TNIP3: variants seen among roughly 807,000 people sequenced by gnomAD.
TNIP3 encodes the protein TNFAIP3-interacting protein 3.
Under a neutral mutation model 54.1 loss-of-function variants are expected in TNIP3, and 34 were observed. That is an observed-to-expected ratio of 0.63 (90% confidence interval 0.48 to 0.84). TNIP3 has a LOEUF of 0.84. TNIP3 is among the 40% of genes least tolerant of loss of function. The pLI is 0.00. For missense variants in TNIP3, 366 were observed against 387.6 expected (o/e 0.94, Z 0.47); for synonymous variants, 134 against 136.8 (o/e 0.98, Z 0.14).
At chr4:121,206,538 T>TTGTGTGTGTGTGTGTGTGTGTG (rs140121953) in intron 2 of TNIP3, among the ~76,000 whole-genome samples, 86 of 151,590 alleles carry the variant, frequency 5.7e-4, no homozygotes, top group African/African-American at 1.9e-3. Context: ...TTTGTATATA[T>TTGTGTGTGTGTGTGTGTGTGTG]TGTGTGTGTG....
chr4:121,149,924 G>A (rs529110765), intron 6 of TNIP3, among the ~76,000 whole-genome samples, 179 bp downstream of exon 6: 46 of 152,178 alleles, frequency 3.0e-4, no homozygotes, highest in South Asian at 6.2e-4. Flanking sequence ...CTAAATGGTG[G>A]GACTGAACTA....
At chr4:121,201,046 A>G (rs898590546) in intron 2 of TNIP3, among the ~76,000 whole-genome samples, 10 of 152,202 alleles carry the variant, frequency 6.6e-5, no homozygotes, top group Non-Finnish European at 1.3e-4. Context: ...GTTGAAGGTC[A>G]AGGGGAACTT....
chr4:121,188,095 G>A (rs1424933884), intron 2 of TNIP3, among the ~76,000 whole-genome samples: 1 of 152,086 alleles, frequency 6.6e-6, no homozygotes, highest in African/African-American at 2.4e-5. Context: ...AAGAGTTTGA[G>A]GTGAGAGTAA....
At chr4:121,216,341 T>C in intron 2 of TNIP3, 5 of 1,270,896 alleles carry the variant, frequency 3.9e-6, no homozygotes, top group Non-Finnish European at 4.4e-6. Context: ...ACACTATCAT[T>C]GCCACAAAGC....
chr4:121,200,119 G>T (rs915607718), intron 2 of TNIP3, among the ~76,000 whole-genome samples: 1 of 151,872 alleles, frequency 6.6e-6, no homozygotes, highest in African/African-American at 2.4e-5. Flanking sequence ...CTGTGACCAC[G>T]TTCACTGGGT....
chr4:121,173,050 A>G (rs1724067854), intron 3 of TNIP3, among the ~76,000 whole-genome samples: 1 of 152,208 alleles, frequency 6.6e-6, no homozygotes, highest in Non-Finnish European at 1.5e-5. Flanking sequence ...CTTGCTCACA[A>G]TTATGATGTG....
chr4:121,204,865 CTAGGTGT>C (rs1325565532), intron 2 of TNIP3, among the ~76,000 whole-genome samples: 1 of 152,070 alleles, frequency 6.6e-6, no homozygotes, highest in Non-Finnish European at 1.5e-5. Context: ...GAAGTCAGTC[CTAGGTGT>C]TATTGGTATA....
intron 9 of TNIP3, among the ~76,000 whole-genome samples, chr4:121,140,638 C>T (rs1227831945): frequency 6.6e-6 from 1 of 152,108 alleles, no homozygotes; most frequent in Non-Finnish European, 1.5e-5. Flanking sequence ...AAGCCAACTC[C>T]TATAGGTTAA....
chr4:121,204,570 G>A (rs1470902903), intron 2 of TNIP3, among the ~76,000 whole-genome samples: 2 of 151,992 alleles, frequency 1.3e-5, no homozygotes, highest in African/African-American at 4.8e-5. Flanking sequence ...AGATTTTCAG[G>A]GTTCACAACT....
chr4:121,173,385 G>T (rs1724098885), intron 3 of TNIP3, among the ~76,000 whole-genome samples: 1 of 152,258 alleles, frequency 6.6e-6, no homozygotes, highest in African/African-American at 2.4e-5. Flanking sequence ...GAAATTAGTG[G>T]TCAGAAAAGA....
At position 121,158,752 on chromosome 4, in the gene TNIP3, G is replaced by A. The variant is rs1730264813; in HGVS notation, c.148C>T (p.Leu50Phe). Residue 50 changes from leucine (L) to phenylalanine (F), a missense_variant and splice_region_variant, in exon 3 of 11, where the codon CTC (leucine) becomes TTC (phenylalanine). Transcript: ENST00000057513. ...IRCLEKQRKELLEVNQQWDQQ... is the reference protein window; with the variant it reads ...IRCLEKQRKEFLEVNQQWDQQ... Reference sequence around the variant, plus strand: ...TCCCATTGCTGGTTAACTTCCAGGAGCTGAAATCATTAAAATTTGGTGAAT... The same window carrying A: ...TCCCATTGCTGGTTAACTTCCAGGAACTGAAATCATTAAAATTTGGTGAAT... 1 of 1,605,944 alleles carries A rather than the reference G, an allele frequency of 6.2e-7. No homozygotes were observed. Among genetic ancestry groups the A allele is most frequent in the African/African-American group, 1.3e-5 (1 of 74,286 alleles).
intron 5 of TNIP3, among the ~76,000 whole-genome samples, chr4:121,150,968 A>G (rs1729714528): frequency 6.6e-6 from 1 of 152,260 alleles, no homozygotes; most frequent in Non-Finnish European, 1.5e-5. Flanking sequence ...GAAAGAAAGA[A>G]GTAATACCTG....
Position 121,157,207 on chromosome 4 carries a change from T to C in TNIP3, c.250A>G (p.Arg84Gly), listed in dbSNP as rs912333731. The C allele has an allele frequency of 6.2e-7, 1 of 1,614,032 alleles. No individual in the cohort carries two copies. Among genetic ancestry groups the C allele is most frequent in the African/African-American group, 1.3e-5 (1 of 74,900 alleles). The part of the protein sequence containing the change: ...ELKTKLDAAE[R>G]FLSTREKDPH... ...TCCTTCTCCCGCGTGCTGAGGAATC[T>C]TTCCGCGGCGTCCAGTTTCGTCTTC... Residue 84 changes from arginine to glycine, a missense_variant, in exon 4 of 11, where the codon AGA (arginine) becomes GGA (glycine). Physicochemically the swap from Arg to Gly is moderately radical, Grantham distance 125. Transcript: ENST00000057513.
At chr4:121,216,564 A>G in intron 1 of TNIP3, 1 of 1,525,478 alleles carries the variant, frequency 6.6e-7, no homozygotes, top group Non-Finnish European at 8.7e-7. Flanking sequence ...TAACTATGTC[A>G]GTCACCAAAG....
At chr4:121,190,520 C>G (rs1460266929) in intron 2 of TNIP3, among the ~76,000 whole-genome samples, 1 of 152,188 alleles carries the variant, frequency 6.6e-6, no homozygotes, top group African/African-American at 2.4e-5. Context: ...CATATTATGT[C>G]TTTCCTTCTC....
At chr4:121,184,687 T>C (rs1015373734) in intron 2 of TNIP3, among the ~76,000 whole-genome samples, 2 of 152,198 alleles carry the variant, frequency 1.3e-5, no homozygotes, top group East Asian at 3.8e-4. Flanking sequence ...TTATCTATAA[T>C]CAAAAATCCC....
Position 121,161,206 on chromosome 4 carries a change from G to T in TNIP3, c.77C>A (p.Pro26Gln), listed in dbSNP as rs1305367007. The change falls in exon 2 of 11, where the codon CCA (proline) becomes CAA (glutamine). Residue 26 changes from proline to glutamine, a missense_variant. Coordinates refer to ENST00000057513, the MANE Select transcript of TNIP3 (RefSeq NM_024873.6). ...ATTCATCAAGTTCTTTCTTGTTGAT[G>T]GTTCAGCACACTTAGAAAAAAAAAA... ...SSTEHKECAE[P>Q]STRKNLMNSL... The T allele has an allele frequency of 1.9e-6, 3 of 1,576,652 alleles. No individual in the cohort carries two copies. In the Admixed American group the frequency reaches 5.4e-5, roughly 28 times the overall value.
Position 121,177,596 on chromosome 4 carries a change from A to G in TNIP3, c.189+5080T>C, listed in dbSNP as rs139336052. On this transcript the variant is annotated intron_variant, in intron 3 of 12. Coordinates refer to the TNIP3 transcript ENST00000507879. ...ATCCCATAAAGTCATAAAGAAACCAATTTCCTGCTCCTGGAAAGGGAATCT... is the reference window on the plus strand; with the variant it reads ...ATCCCATAAAGTCATAAAGAAACCAGTTTCCTGCTCCTGGAAAGGGAATCT... Among the ~76,000 whole-genome samples, 13 of 152,310 alleles carry G rather than the reference A, an allele frequency of 8.5e-5. No homozygotes were observed. The East Asian group carries it at 2.5e-3, about 29-fold the overall frequency.
At chr4:121,133,129 A>G (rs1728574021) in intron 10 of TNIP3, among the ~76,000 whole-genome samples, 1 of 152,220 alleles carries the variant, frequency 6.6e-6, no homozygotes, top group East Asian at 1.9e-4. Flanking sequence ...GACCAATATG[A>G]AAAATCTGGA....
Sources: allele counts gnomAD v4.1 joint callset (sites outside exome capture counted in the v4.1 genomes callset), GRCh38; gene constraint gnomAD v4.1.1; transcripts MANE v1.5; gene names NCBI Gene and HGNC (gene_info 2026-07-23, HGNC 2026-07-21).